KCNIP4: variants seen among roughly 807,000 people sequenced by gnomAD.
KCNIP4 encodes Kv channel-interacting protein 4.
KCNIP4 carries 12 observed loss-of-function variants against 34.0 expected under a neutral mutation model. That is an observed-to-expected ratio of 0.35 (90% CI 0.23 to 0.57). KCNIP4 has a LOEUF of 0.57. KCNIP4 is among the 20% of genes least tolerant of loss of function. The probability of loss-of-function intolerance (pLI) is 0.83; values close to 1 mark genes in which losing one functional copy is unlikely to be tolerated. For synonymous variants in KCNIP4, 124 were observed against 102.2 expected (o/e 1.21, Z -1.29); for missense variants, 238 against 311.7 (o/e 0.76, Z 1.78).
chr4:21,515,681 G>C (rs955013406), intron 1 of KCNIP4, among the ~76,000 whole-genome samples: 1 of 152,036 alleles, frequency 6.6e-6, no homozygotes, highest in African/African-American at 2.4e-5. Context: ...GATCATAAAG[G>C]CTTCAGTCTC....
chr4:21,075,194 G>T (rs1745366782), intron 1 of KCNIP4, among the ~76,000 whole-genome samples: 1 of 152,150 alleles, frequency 6.6e-6, no homozygotes, highest in Non-Finnish European at 1.5e-5. Context: ...GGATATCTTT[G>T]TTAACTTTCT....
chr4:20,915,417 C>T (rs1728718136), intron 1 of KCNIP4, among the ~76,000 whole-genome samples: 1 of 152,150 alleles, frequency 6.6e-6, no homozygotes, highest in Non-Finnish European at 1.5e-5. Context: ...TACTCAGACT[C>T]AGCAAAAGTA....
chr4:21,104,397 G>C (rs998046250), intron 1 of KCNIP4, among the ~76,000 whole-genome samples: 1 of 152,162 alleles, frequency 6.6e-6, no homozygotes, highest in Non-Finnish European at 1.5e-5. Flanking sequence ...GTCTTCTTTT[G>C]AGAAGTGTCT....
rs773332949 is a variant in KCNIP4, at chr4:21,474,433, C to T, written c.61+474138G>A. 3.9e-5 allele frequency among the ~76,000 whole-genome samples: 6 copies of T among 152,274 alleles called. No individual in the cohort carries two copies. The South Asian group carries it at 1.2e-3, about 32-fold the overall frequency. On this transcript the variant is annotated intron_variant, in intron 1 of 8. Transcript: ENST00000382152. ...AACAAAAAACGATCAATTCATTGAA[C>T]TCCAAATATGCCTCAGGTTATGATC...
chr4:21,699,642 G>A (rs1234408866), intron 1 of KCNIP4, among the ~76,000 whole-genome samples: 2 of 152,154 alleles, frequency 1.3e-5, no homozygotes, highest in East Asian at 3.9e-4. Context: ...CTGCGAATGA[G>A]CTTGGCATCC....
chr4:21,365,482 T>A (rs1290034399), intron 1 of KCNIP4, among the ~76,000 whole-genome samples: 6 of 71,388 alleles, frequency 8.4e-5, no homozygotes, highest in Non-Finnish European at 1.3e-4. Flanking sequence ...TCTCAAAAAA[T>A]AAATAAATAA....
intron 1 of KCNIP4, among the ~76,000 whole-genome samples, chr4:21,155,509 GT>G (rs1753077352): frequency 1.3e-5 from 2 of 152,170 alleles, no homozygotes; most frequent in Non-Finnish European, 2.9e-5. Context: ...GGTGAAGCTA[GT>G]TGATTGCAGT....
At chr4:20,900,159 G>C (rs995710789) in intron 1 of KCNIP4, among the ~76,000 whole-genome samples, 1 of 152,126 alleles carries the variant, frequency 6.6e-6, no homozygotes, top group African/African-American at 2.4e-5. Flanking sequence ...AGATTCTCCA[G>C]CTCTTCCAGA....
intron 1 of KCNIP4, among the ~76,000 whole-genome samples, chr4:21,324,579 G>T (rs1027652369): frequency 7.9e-5 from 12 of 151,694 alleles, no homozygotes; most frequent in African/African-American, 2.4e-4. Flanking sequence ...ATTTGTTTCT[G>T]GGTTGTCTAT....
At chr4:20,869,484 A>G (rs1723217122) in intron 2 of KCNIP4, among the ~76,000 whole-genome samples, 1 of 152,112 alleles carries the variant, frequency 6.6e-6, no homozygotes, top group South Asian at 2.1e-4. Flanking sequence ...AGTATTAGAA[A>G]TATTTGCAGT....
chr4:21,049,696 T>C (rs1166955661), intron 1 of KCNIP4, among the ~76,000 whole-genome samples: 1 of 152,186 alleles, frequency 6.6e-6, no homozygotes, highest in Non-Finnish European at 1.5e-5. Context: ...TTTATTCTTT[T>C]GCTGTAATCT....
chr4:21,658,055 G>T (rs1748115097), intron 1 of KCNIP4, among the ~76,000 whole-genome samples: 1 of 152,092 alleles, frequency 6.6e-6, no homozygotes, highest in Non-Finnish European at 1.5e-5. Context: ...GGCCAGGATT[G>T]TCTCAATCTC....
intron 1 of KCNIP4, among the ~76,000 whole-genome samples, chr4:21,891,075 C>T (rs1244636410): frequency 2.6e-5 from 4 of 152,044 alleles, no homozygotes; most frequent in African/African-American, 4.8e-5. Context: ...TTCCAAGGGA[C>T]GGGCTGGAGG....
At chr4:21,619,199 T>C (rs1028079592) in intron 1 of KCNIP4, among the ~76,000 whole-genome samples, 16 of 152,332 alleles carry the variant, frequency 1.1e-4, no homozygotes, top group African/African-American at 3.6e-4. Flanking sequence ...CACTGTACCA[T>C]GCGTTCAACA....
At chr4:21,138,524 T>C (rs1388018069) in intron 1 of KCNIP4, among the ~76,000 whole-genome samples, 1 of 110,120 alleles carries the variant, frequency 9.1e-6, no homozygotes, top group Non-Finnish European at 1.9e-5. Flanking sequence ...TTCTTTCTTT[T>C]TCTTCTTCTT....
chr4:21,053,235 T>A (rs1743089130), intron 1 of KCNIP4, among the ~76,000 whole-genome samples: 1 of 152,138 alleles, frequency 6.6e-6, no homozygotes. Context: ...AACGAGAAAC[T>A]AATGTCAAGT....
intron 1 of KCNIP4, among the ~76,000 whole-genome samples, chr4:21,854,141 T>A (rs2109340429): frequency 6.6e-6 from 1 of 152,192 alleles, no homozygotes. Context: ...CATATAACCA[T>A]CACCCTAGTA....
chr4:21,625,418 T>C (rs1745256202), intron 1 of KCNIP4, among the ~76,000 whole-genome samples: 1 of 152,258 alleles, frequency 6.6e-6, no homozygotes, highest in South Asian at 2.1e-4. Context: ...GTTGTTATCC[T>C]AATTGGGGAG....
At chr4:21,581,531 G>A (rs958344416) in intron 1 of KCNIP4, among the ~76,000 whole-genome samples, 17 of 151,980 alleles carry the variant, frequency 1.1e-4, no homozygotes, top group African/African-American at 3.9e-4. Flanking sequence ...CTGTAGAATC[G>A]GGAAAAGTAT....
Sources: gnomAD v4.1 joint callset for allele counts (sites outside exome capture counted in the v4.1 genomes callset) on GRCh38, gnomAD v4.1.1 for gene constraint, MANE v1.5 for transcripts, NCBI Gene and HGNC (gene_info 2026-07-23, HGNC 2026-07-21) for gene names.